Variants in LVRN observed in about 807,000 individuals in gnomAD.
The protein encoded by LVRN is laeverin, also known as aminopeptidase Q.
In LVRN, 99 loss-of-function variants were observed where a neutral mutation model predicts 111.4. The ratio of observed to expected loss-of-function variants is 0.89; its 90% CI spans 0.76 to 1.05. The LOEUF is 1.05. LVRN is among the 50% of genes least tolerant of loss of function. The pLI is 0.00. For synonymous variants in LVRN, 488 were observed against 449.5 expected, an observed-to-expected ratio of 1.09 and a Z score of -1.08; for missense variants, 1,414 against 1,206.8, an observed-to-expected ratio of 1.17 and a Z score of -2.54.
chr5:116,008,718 A>G (rs1463951165), intron 13 of LVRN, among the ~76,000 whole-genome samples: 1 of 152,210 alleles, frequency 6.6e-6, no homozygotes, highest in Non-Finnish European at 1.5e-5. Flanking sequence ...AATCCAGAGC[A>G]AGGTCCTAAC....
Position 116,012,380 on chromosome 5 carries a change from C to A in LVRN, c.2254C>A (p.Leu752Ile), listed in dbSNP as rs201638928. ...YDIYSLLKRY[L>I]LKRLNLIWNI... is the part of the protein sequence containing the mutation. ...TTTTCTTTATTGTTTATAGAGGTAC[C>A]TATTAAAGAGACTTAATTTAATATG... Residue 752 changes from leucine (L) to isoleucine (I), a missense_variant, in exon 15 of 20, where the codon CTA becomes ATA. Physicochemically the swap from Leu to Ile is conservative, Grantham distance 5. Transcript: ENST00000357872. The A allele has an allele frequency of 1.4e-6, 2 of 1,447,130 alleles. No homozygotes were observed. Among genetic ancestry groups the A allele is most frequent in the South Asian group, 1.2e-5 (1 of 82,822 alleles). 89.6% of individuals were successfully genotyped at this position (1,447,130 alleles called of 1,614,324 possible). A position where few individuals can be genotyped will look rare whatever the true frequency, so the allele number is the denominator to read the frequency against.
intron 15 of LVRN, among the ~76,000 whole-genome samples, chr5:116,013,175 C>T (rs963877052): frequency 1.6e-4 from 24 of 152,076 alleles, no homozygotes; most frequent in African/African-American, 5.6e-4. Flanking sequence ...TCAATTAGAC[C>T]AAGCAAGAAA....
intron 1 of LVRN, among the ~76,000 whole-genome samples, chr5:115,978,755 G>A (rs745436075): frequency 2.6e-5 from 4 of 151,942 alleles, no homozygotes; most frequent in East Asian, 3.9e-4. Context: ...TTTACCTCAC[G>A]TTTCTACTCT....
intron 14 of LVRN, 147 bp downstream of exon 14, chr5:116,011,041 T>TGATATTTTTCATAGTAGTTAAG (rs1748480101): frequency 8.1e-6 from 2 of 247,476 alleles, no homozygotes. Flanking sequence ...GTATATACAT[T>TGATATTTTTCATAGTAGTTAAG]TCCTTAACAA....
intron 14 of LVRN, 101 bp from the exon 15 acceptor site, chr5:116,012,273 A>G (rs1748506145): frequency 1.5e-6 from 1 of 671,284 alleles, no homozygotes; most frequent in African/African-American, 1.9e-5. Context: ...AATATCTGCC[A>G]CTTGTCTATC....
At chr5:116,000,317 C>G in intron 7 of LVRN, 116 bp from the exon 8 acceptor site, 2 of 1,407,906 alleles carry the variant, frequency 1.4e-6, no homozygotes, top group Non-Finnish European at 2.0e-6. Flanking sequence ...AAACATTCAA[C>G]TAAAATGCAA....
Position 116,001,239 on chromosome 5 carries a change from A to G in LVRN, c.1820A>G (p.Asn607Ser), listed in dbSNP as rs1580391529. The G allele has an allele frequency of 6.2e-7, 1 of 1,612,830 alleles. No homozygotes were observed. Among genetic ancestry groups the G allele is most frequent in the Non-Finnish European group, 8.5e-7 (1 of 1,179,670 alleles). Residue 607 changes from asparagine to serine, a missense_variant and splice_region_variant, in exon 10 of 20, where the codon AAT becomes AGT. Coordinates refer to ENST00000357872, the MANE Select transcript of LVRN (RefSeq NM_173800.5). ...NIKNRTLLTS[N>S]DTWIVPILWI... ...AAAAATCGGACTCTTCTAACCAGCA[A>G]GTAGGTAGCTTTGCTCCTCTTTGTC...
chr5:115,986,557 G>T (rs1747869788), intron 3 of LVRN, among the ~76,000 whole-genome samples: 1 of 152,194 alleles, frequency 6.6e-6, no homozygotes, highest in Admixed American at 6.5e-5. Flanking sequence ...TCTATCAGTG[G>T]AATGTGAACA....
At chr5:116,001,386 C>T (rs1170898300) in intron 10 of LVRN, 147 bp downstream of exon 10, 1 of 966,274 alleles carries the variant, frequency 1.0e-6, no homozygotes, top group Non-Finnish European at 1.5e-6. Flanking sequence ...AAGCAGAGCC[C>T]TTGTGTCCGG....
chr5:115,997,934 A>G (rs1748153996), intron 6 of LVRN, among the ~76,000 whole-genome samples: 1 of 152,198 alleles, frequency 6.6e-6, no homozygotes, highest in Non-Finnish European at 1.5e-5. Flanking sequence ...ATTACCTTGT[A>G]TGGTTATAGT....
intron 19 of LVRN, 29 bp from the exon 20 acceptor site, chr5:116,025,949 A>C (rs956545549): frequency 1.1e-5 from 18 of 1,612,174 alleles, no homozygotes; most frequent in Non-Finnish European, 1.5e-5. Flanking sequence ...GTTGGATTGC[A>C]CTGATCATCT....
chr5:116,019,750 T>G (rs946483831), intron 18 of LVRN, among the ~76,000 whole-genome samples: 2 of 152,232 alleles, frequency 1.3e-5, no homozygotes, highest in African/African-American at 4.8e-5. Flanking sequence ...GGTATCTTGC[T>G]GGGATCTTGT....
intron 3 of LVRN, among the ~76,000 whole-genome samples, chr5:115,986,346 G>A (rs183584234): frequency 6.6e-6 from 1 of 152,216 alleles, no homozygotes; most frequent in African/African-American, 2.4e-5. Context: ...GACCAAAGGT[G>A]ATTCCTTGGC....
rs1009074109 is a variant in LVRN at position 115,963,274 on chromosome 5, A to T, written c.657A>T (p.Gly219=). 2.5e-6 allele frequency: 4 copies of T among 1,611,590 alleles called. No homozygotes were observed. The highest frequency in any genetic ancestry group is 2.5e-6 in the Non-Finnish European group (3 of 1,179,670). ...SGLVKEDLRE[G]LFLNVYTDQG... ...TGGTGAAGGAAGACCTCAGGGAGGG[A>T]CTCTTCCTCAACGTCTACACCGACC... Residue 219 remains glycine (G), a synonymous_variant, in exon 1 of 20, where the codon GGA becomes GGT. Coordinates refer to ENST00000357872, the MANE Select transcript of LVRN (RefSeq NM_173800.5).
intron 1 of LVRN, among the ~76,000 whole-genome samples, chr5:115,972,784 T>C (rs1359333283): frequency 6.6e-6 from 1 of 152,172 alleles, no homozygotes; most frequent in Non-Finnish European, 1.5e-5. Flanking sequence ...CTTTTATTTA[T>C]AATTTTCCAA....
At chr5:116,022,707 A>G (rs966883762) in intron 19 of LVRN, among the ~76,000 whole-genome samples, 1 of 152,336 alleles carries the variant, frequency 6.6e-6, no homozygotes, top group African/African-American at 2.4e-5. Flanking sequence ...ACTCTGGCCC[A>G]GGGTTCCCGT....
intron 5 of LVRN, among the ~76,000 whole-genome samples, chr5:115,993,521 A>C (rs1748040971): frequency 6.6e-6 from 1 of 152,194 alleles, no homozygotes; most frequent in Non-Finnish European, 1.5e-5. Context: ...TGCTTTTAAT[A>C]ATTGAACATG....
At chr5:116,006,124 A>G (rs1292465858) in intron 13 of LVRN, among the ~76,000 whole-genome samples, 157 bp downstream of exon 13, 3 of 152,240 alleles carry the variant, frequency 2.0e-5, no homozygotes, top group Admixed American at 1.3e-4. Context: ...ATTTTATAAT[A>G]TAATGAGTTG....
rs184238406 is a variant in LVRN, at chr5:115,996,534, A to G, written c.1374+2680A>G. Among the ~76,000 whole-genome samples, 416 of 152,204 alleles carry G rather than the reference A, an allele frequency of 2.7e-3. 1 individual carries two copies. Among genetic ancestry groups the G allele is most frequent in the African/African-American group, 9.6e-3 (398 of 41,540 alleles). ...TGATTTTTGGAGATCAAGAACTTTA[A>G]CCTCCTTTTAATCTAGTAATGTGAT... On this transcript the variant is annotated intron_variant, in intron 6 of 19. Coordinates refer to ENST00000357872, the MANE Select transcript of LVRN (RefSeq NM_173800.5).
Sources: allele counts gnomAD v4.1 joint callset (sites outside exome capture counted in the v4.1 genomes callset), GRCh38; gene constraint gnomAD v4.1.1; transcripts MANE v1.5; gene names NCBI Gene and HGNC (gene_info 2026-07-23, HGNC 2026-07-21).